PDE4B: variants seen among roughly 807,000 people sequenced by gnomAD.
The protein encoded by PDE4B is 3',5'-cyclic-AMP phosphodiesterase 4B.
PDE4B carries 20 observed loss-of-function variants against 82.2 expected under a neutral mutation model. That is an observed-to-expected ratio of 0.24 (90% CI 0.17 to 0.35). The LOEUF is 0.35. PDE4B is among the 10% of genes least tolerant of loss of function. The pLI is 1.00. For synonymous variants in PDE4B, 320 were observed against 318.9 expected (o/e 1.00, Z -0.04); for missense variants, 655 against 907.2 (o/e 0.72, Z 3.57).
intron 3 of PDE4B, chr1:65,993,113 G>C (rs1651337810): frequency 6.2e-7 from 1 of 1,613,590 alleles, no homozygotes; most frequent in Non-Finnish European, 8.5e-7. Flanking sequence ...GCATTCGGCA[G>C]CGTCGTCGCT....
chr1:65,998,345 G>A (rs902825825), intron 3 of PDE4B, among the ~76,000 whole-genome samples: 2 of 151,822 alleles, frequency 1.3e-5, no homozygotes, highest in African/African-American at 4.8e-5. Context: ...GACTGTGCCA[G>A]CAGATTGGAG....
At chr1:66,138,363 A>G (rs891416141) in intron 3 of PDE4B, among the ~76,000 whole-genome samples, 6 of 152,178 alleles carry the variant, frequency 3.9e-5, no homozygotes, top group Non-Finnish European at 5.9e-5. Flanking sequence ...TACTAAAAAT[A>G]CAAAAATTTG....
intron 3 of PDE4B, among the ~76,000 whole-genome samples, chr1:66,243,020 T>A (rs570333086): frequency 1.3e-5 from 2 of 152,236 alleles, no homozygotes; most frequent in Non-Finnish European, 2.9e-5. Flanking sequence ...CAAGCTGGTA[T>A]AAGAAGGCTT....
At chr1:66,118,529 C>T (rs576218732) in intron 3 of PDE4B, among the ~76,000 whole-genome samples, 1 of 151,246 alleles carries the variant, frequency 6.6e-6, no homozygotes, top group African/African-American at 2.4e-5. Context: ...AATGAGAACA[C>T]TTGGACACAG....
chr1:65,853,570 G>T (rs773700188), intron 1 of PDE4B, among the ~76,000 whole-genome samples: 1 of 147,760 alleles, frequency 6.8e-6, no homozygotes, highest in African/African-American at 2.5e-5. Flanking sequence ...TCACTCTGTC[G>T]CCAGGCTAGA....
At chr1:66,056,111 T>A (rs566796858) in intron 3 of PDE4B, among the ~76,000 whole-genome samples, 23 of 152,376 alleles carry the variant, frequency 1.5e-4, no homozygotes, top group East Asian at 3.9e-4. Flanking sequence ...TAACTTTTTT[T>A]AAATTTACTT....
At chr1:66,322,708 G>A (rs991979055) in intron 7 of PDE4B, among the ~76,000 whole-genome samples, 16 of 151,822 alleles carry the variant, frequency 1.1e-4, no homozygotes, top group African/African-American at 3.6e-4. Flanking sequence ...AAATTCCTGT[G>A]TTGAAACCAG....
chr1:66,096,490 C>A (rs555729816), intron 3 of PDE4B, among the ~76,000 whole-genome samples: 1 of 52,928 alleles, frequency 1.9e-5, no homozygotes, highest in Admixed American at 2.7e-4. Context: ...TAATTAAATG[C>A]GGTATAAGTA....
At chr1:65,951,761 T>C (rs1649012401) in intron 3 of PDE4B, among the ~76,000 whole-genome samples, 1 of 152,100 alleles carries the variant, frequency 6.6e-6, no homozygotes, top group African/African-American at 2.4e-5. Context: ...CTGTTTTACC[T>C]GTTTTACCCC....
At chr1:66,071,704 T>G (rs995352493) in intron 3 of PDE4B, among the ~76,000 whole-genome samples, 1 of 152,098 alleles carries the variant, frequency 6.6e-6, no homozygotes, top group Non-Finnish European at 1.5e-5. Flanking sequence ...GTAGACCTCC[T>G]GTGGACAGCT....
intron 3 of PDE4B, among the ~76,000 whole-genome samples, chr1:66,080,960 G>C (rs888856728): frequency 6.6e-6 from 1 of 152,056 alleles, no homozygotes; most frequent in Non-Finnish European, 1.5e-5. Context: ...ATGTCCATGT[G>C]TATCCAATAT....
intron 4 of PDE4B, among the ~76,000 whole-genome samples, chr1:66,251,503 G>A (rs1470251254): frequency 3.3e-5 from 5 of 152,162 alleles, no homozygotes; most frequent in Non-Finnish European, 7.4e-5. Flanking sequence ...TGTAAATTTA[G>A]GAACTTTGTG....
chr1:66,335,308 T>A (rs1660435782), intron 8 of PDE4B, among the ~76,000 whole-genome samples: 1 of 152,204 alleles, frequency 6.6e-6, no homozygotes, highest in Non-Finnish European at 1.5e-5. Flanking sequence ...CAATGTCTGA[T>A]CTTAAGAACA....
intron 3 of PDE4B, among the ~76,000 whole-genome samples, chr1:66,162,969 T>C (rs1157591284): frequency 6.6e-6 from 1 of 152,242 alleles, no homozygotes; most frequent in Non-Finnish European, 1.5e-5. Context: ...ACTGTGGTCA[T>C]GGAAAGGCTA....
chr1:65,950,247 G>A (rs948932342), intron 3 of PDE4B, among the ~76,000 whole-genome samples: 12 of 151,856 alleles, frequency 7.9e-5, no homozygotes, highest in African/African-American at 2.7e-4. Context: ...CTATTGCACC[G>A]CTTCCACCTG....
intron 3 of PDE4B, among the ~76,000 whole-genome samples, chr1:66,079,670 C>T (rs139561051): frequency 3.3e-5 from 5 of 151,986 alleles, no homozygotes; most frequent in Non-Finnish European, 7.4e-5. Flanking sequence ...AAAGGGAGAG[C>T]TAATGGCTCT....
intron 1 of PDE4B, among the ~76,000 whole-genome samples, chr1:65,796,778 T>A (rs888648714): frequency 1.3e-5 from 2 of 151,232 alleles, no homozygotes; most frequent in African/African-American, 4.9e-5. Flanking sequence ...GCTTCCTGAG[T>A]ACCTGGGACT....
chr1:66,122,703 CTTTT>C (rs3036785), intron 3 of PDE4B, among the ~76,000 whole-genome samples: 2 of 111,956 alleles, frequency 1.8e-5, no homozygotes, highest in African/African-American at 3.4e-5. Context: ...CTCTTCTTTT[CTTTT>C]TTTTTTTTTT....
chr1:65,970,900 A>G (rs562742667), intron 3 of PDE4B, among the ~76,000 whole-genome samples: 11 of 152,094 alleles, frequency 7.2e-5, no homozygotes, highest in Admixed American at 7.2e-4. Context: ...AAATGAGGCC[A>G]AAGGAAAACC....
Sources: gnomAD v4.1 joint callset for allele counts (sites outside exome capture counted in the v4.1 genomes callset) on GRCh38, gnomAD v4.1.1 for gene constraint, MANE v1.5 for transcripts, NCBI Gene and HGNC (gene_info 2026-07-23, HGNC 2026-07-21) for gene names.